The following PDE1B variants were observed in gnomAD, a reference collection of about 807,000 sequenced individuals.
PDE1B encodes the protein phosphodiesterase 1B, also known as dual specificity calcium/calmodulin-dependent 3',5'-cyclic nucleotide phosphodiesterase 1B.
In PDE1B, 13 loss-of-function variants were observed where a neutral mutation model predicts 66.7. The ratio of observed to expected loss-of-function variants is 0.19; its 90% CI spans 0.13 to 0.31. PDE1B has a LOEUF of 0.31. Among genes scored for constraint, PDE1B ranks in the 10% least tolerant of loss-of-function variants. The pLI is 1.00. For missense variants in PDE1B, 485 were observed against 682.3 expected (o/e 0.71, Z 3.22); for synonymous variants, 230 against 253.9 (o/e 0.91, Z 0.90).
Position 54,569,456 on chromosome 12 carries a change from G to A in PDE1B, c.410+90G>A. The A allele has an allele frequency of 6.3e-7, 1 of 1,590,180 alleles. No individual in the cohort carries two copies. The highest frequency in any genetic ancestry group is 1.7e-5 in the Admixed American group (1 of 59,288). ...GGTCTTCCATGACCACCAGCCATAT[G>A]ATCCCATGGCTCATCCCCACATCCC... is the stretch of plus-strand genomic sequence containing the variant. On this transcript the variant is annotated intron_variant, in intron 4 of 15. Coordinates refer to ENST00000243052, the MANE Select transcript of PDE1B (RefSeq NM_000924.4). The surrounding 1 kb of genome is among the most constrained non-coding windows in gnomAD (Gnocchi z 4.4).
intron 15 of PDE1B, 132 bp downstream of exon 15, chr12:54,577,477 CAT>C (rs747434837): frequency 6.3e-7 from 1 of 1,599,276 alleles, no homozygotes; most frequent in African/African-American, 1.3e-5. Flanking sequence ...CGAGTGAAGA[CAT>C]AGAATGGAGC....
At chr12:54,555,941 C>T (rs1271927901) in intron 2 of PDE1B, among the ~76,000 whole-genome samples, 1 of 152,144 alleles carries the variant, frequency 6.6e-6, no homozygotes, top group African/African-American at 2.4e-5. Context: ...GGCTCCCTCC[C>T]CTCACTGAGG....
intron 2 of PDE1B, among the ~76,000 whole-genome samples, chr12:54,564,632 AAAAC>A (rs927769774): frequency 8.6e-5 from 13 of 151,396 alleles, no homozygotes; most frequent in East Asian, 3.9e-4. Context: ...AAGTAAAAAC[AAAAC>A]AAACAAACAA....
At chr12:54,576,317 C>T in intron 13 of PDE1B, 1 of 605,164 alleles carries the variant, frequency 1.7e-6, no homozygotes, top group Non-Finnish European at 2.9e-6. Flanking sequence ...TTTGTTTCTT[C>T]CATTAGCTGT....
chr12:54,573,781 G>A lies in PDE1B; in HGVS notation c.1064+72G>A. 8 of 1,115,780 alleles carry A rather than the reference G, an allele frequency of 7.2e-6. No homozygotes were observed. Among genetic ancestry groups the A allele is most frequent in the Non-Finnish European group, 1.1e-5 (8 of 731,862 alleles). 69.1% of individuals were successfully genotyped at this position (1,115,780 alleles called of 1,614,324 possible). ...GTGTGAACTGGGGGGGTATACACAA[G>A]GGTAGTTGGTGTGCCAGGTCTTTAC... On this transcript the variant is annotated intron_variant, in intron 10 of 15. Transcript: ENST00000243052. This position sits in a 1 kb window ranked among gnomAD's most constrained non-coding sequence, Gnocchi z 5.2.
chr12:54,557,169 T>A (rs529493307), intron 2 of PDE1B, among the ~76,000 whole-genome samples: 10 of 152,348 alleles, frequency 6.6e-5, no homozygotes, highest in African/African-American at 2.4e-4. Context: ...GAAATTCCAA[T>A]CTGGAAGATG....
Position 54,563,011 on chromosome 12 carries a change from T to C in PDE1B, c.114-3963T>C, listed in dbSNP as rs1299670073. The stretch of plus-strand genomic sequence containing the variant: ...CTTACTCTTCTCAGGCTCACTGTTA[T>C]TTTTAGAAACCCTGGCTCAGAAATC... On this transcript the variant is annotated intron_variant, in intron 2 of 15. Transcript: ENST00000243052. 2.6e-5 allele frequency among the ~76,000 whole-genome samples: 4 copies of C among 152,182 alleles called. 1 individual carries two copies. Among genetic ancestry groups the C allele is most frequent in the Non-Finnish European group, 1.5e-5 (1 of 68,040 alleles).
At chr12:54,574,845 C>T (rs908313966) in intron 10 of PDE1B, 2 of 274,710 alleles carry the variant, frequency 7.3e-6, no homozygotes, top group Admixed American at 1.0e-4. Context: ...TGGTGGCATG[C>T]ACGCCTGTAG....
chr12:54,565,127 G>A (rs1957491502), intron 2 of PDE1B, among the ~76,000 whole-genome samples: 1 of 152,224 alleles, frequency 6.6e-6, no homozygotes, highest in Non-Finnish European at 1.5e-5. Context: ...CTGGGATGTG[G>A]GTTTCAAAAG....
intron 2 of PDE1B, among the ~76,000 whole-genome samples, chr12:54,563,146 G>A (rs1957449764): frequency 6.6e-6 from 1 of 152,166 alleles, no homozygotes; most frequent in Admixed American, 6.5e-5. Context: ...TGAGGATGGA[G>A]GCCAAGATAA....
At chr12:54,551,816 G>C (rs1957281877) in intron 2 of PDE1B, among the ~76,000 whole-genome samples, 1 of 152,194 alleles carries the variant, frequency 6.6e-6, no homozygotes, top group Non-Finnish European at 1.5e-5. Context: ...GAAGGGAGTA[G>C]AGGCATCTGT....
In PDE1B at chr12:54,569,738, T is replaced by C. The variant is rs1592380405; in HGVS notation, c.477+126T>C. ...TTTTTTTGAAATGGAGTCTCGCTCT[T>C]GTCACTCAGGCTGGAGTGCAGTGGC... On this transcript the variant is annotated intron_variant, in intron 5 of 15. Transcript: ENST00000243052. The surrounding 1 kb of genome is among the most constrained non-coding windows in gnomAD (Gnocchi z 4.4). 1.5e-6 allele frequency: 1 copy of C among 665,628 alleles called. No homozygotes were observed. Among genetic ancestry groups the C allele is most frequent in the South Asian group, 1.8e-5 (1 of 56,322 alleles). The allele number at this position is 665,628 out of a possible 1,614,324, so 41.2% of individuals were successfully genotyped here.
intron 6 of PDE1B, chr12:54,570,810 G>C (rs1957601927): frequency 6.3e-6 from 1 of 158,072 alleles, no homozygotes; most frequent in Admixed American, 6.0e-5. Flanking sequence ...CTCTTGACAG[G>C]GCTCGGGGCG....
chr12:54,553,728 T>G (rs750331121), intron 2 of PDE1B, among the ~76,000 whole-genome samples: 2 of 151,910 alleles, frequency 1.3e-5, no homozygotes, highest in African/African-American at 2.4e-5. Context: ...AGGGAGATGA[T>G]GATGATGCTG....
rs749193910 is a variant in PDE1B at position 54,575,530 on chromosome 12, C to T, written c.1186-21C>T. On this transcript the variant is annotated intron_variant, in intron 11 of 15. Transcript: ENST00000243052. This position sits in a 1 kb window ranked among gnomAD's most constrained non-coding sequence, Gnocchi z 4.0. Reference sequence around the variant, plus strand: ...GTCTGAGGTATCCTCTCCAGCTTTCCTACCCTGTTCCCTCCTCTAGGGTGA... The same window carrying T: ...GTCTGAGGTATCCTCTCCAGCTTTCTTACCCTGTTCCCTCCTCTAGGGTGA... 6.3e-7 allele frequency: 1 copy of T among 1,581,606 alleles called. No individual in the cohort carries two copies. The highest frequency in any genetic ancestry group is 1.7e-5 in the Admixed American group (1 of 59,986).
intron 6 of PDE1B, 66 bp from the exon 7 acceptor site, chr12:54,572,535 C>A: frequency 6.8e-7 from 1 of 1,474,676 alleles, no homozygotes; most frequent in Non-Finnish European, 9.4e-7. Flanking sequence ...TTGTTGATCT[C>A]GGTCCGTAAT....
In PDE1B at chr12:54,573,700, A is replaced by C; in HGVS notation, c.1055A>C (p.Gln352Pro). ...QVKTMKTALQ[Q>P]LERIDKPKAL... ...AAGACCATGAAGACAGCCTTGCAAC[A>C]GCTGGAGAGGTGGCATCTGGTGGGG... The change falls in exon 10 of 16, where the codon CAG (glutamine) becomes CCG (proline). Residue 352 changes from glutamine to proline, a missense_variant. By Grantham distance (76) the Gln-to-Pro change is moderately conservative. Around this residue, in one of 4 missense-constraint regions of PDE1B, gnomAD observed 282 missense variants for 453.4 expected, o/e 0.62. Transcript: ENST00000243052. The surrounding 1 kb of genome is among the most constrained non-coding windows in gnomAD (Gnocchi z 5.2). 6.2e-7 allele frequency: 1 copy of C among 1,613,504 alleles called. No homozygotes were observed. The highest frequency in any genetic ancestry group is 8.5e-7 in the Non-Finnish European group (1 of 1,179,492).
chr12:54,576,326 G>T, intron 13 of PDE1B: 1 of 607,972 alleles, frequency 1.6e-6, no homozygotes, highest in Non-Finnish European at 2.9e-6. Flanking sequence ...TCCATTAGCT[G>T]TCTTTCTGCC....
chr12:54,550,610 A>AG (rs11384809), intron 2 of PDE1B, among the ~76,000 whole-genome samples: 123,094 of 151,860 alleles, frequency 0.81, 50,344 homozygotes, highest in Middle Eastern at 0.89. Context: ...TGGAATCTGG[A>AG]GGGGGGGTTG....
Sources: gnomAD v4.1 joint callset for allele counts (sites outside exome capture counted in the v4.1 genomes callset) on GRCh38, gnomAD v4.1.1 for gene constraint, gnomAD v4.1.1 regional missense constraint, Gnocchi (gnomAD v3.1) non-coding constraint, MANE v1.5 for transcripts, NCBI Gene and HGNC (gene_info 2026-07-23, HGNC 2026-07-21) for gene names.